Variants in NLGN1 observed in about 807,000 individuals in gnomAD.
NLGN1 encodes the protein neuroligin 1.
NLGN1 carries 12 observed loss-of-function variants against 65.5 expected under a neutral mutation model. That is an observed-to-expected ratio of 0.18 (90% CI 0.12 to 0.30). The LOEUF is 0.30. NLGN1 is among the 10% of genes least tolerant of loss of function. The pLI is 1.00. For missense variants in NLGN1, 750 were observed against 1,007.1 expected (o/e 0.74, Z 3.46); for synonymous variants, 350 against 359.5 (o/e 0.97, Z 0.30).
intron 3 of NLGN1, among the ~76,000 whole-genome samples, chr3:173,697,794 T>C (rs1766453505): frequency 6.6e-6 from 1 of 152,170 alleles, no homozygotes; most frequent in African/African-American, 2.4e-5. Flanking sequence ...CCTCCCAAAG[T>C]ACTGGGATTA....
At chr3:174,075,818 C>T (rs1233853187) in intron 4 of NLGN1, among the ~76,000 whole-genome samples, 1 of 152,046 alleles carries the variant, frequency 6.6e-6, no homozygotes, top group Non-Finnish European at 1.5e-5. Flanking sequence ...CTCAGTGGAA[C>T]TGAAGATAAG....
chr3:173,754,337 T>C (rs1158371258), intron 3 of NLGN1, among the ~76,000 whole-genome samples: 2 of 152,228 alleles, frequency 1.3e-5, no homozygotes, highest in Admixed American at 6.6e-5. Flanking sequence ...CCACTGTGCC[T>C]GGACTTCAAG....
chr3:173,915,791 A>G (rs1364280866), intron 4 of NLGN1, among the ~76,000 whole-genome samples: 1 of 152,150 alleles, frequency 6.6e-6, no homozygotes, highest in Non-Finnish European at 1.5e-5. Context: ...CTTTCCAGAA[A>G]ACCATGGTAC....
At chr3:173,641,194 A>G (rs1757363326) in intron 3 of NLGN1, among the ~76,000 whole-genome samples, 1 of 152,094 alleles carries the variant, frequency 6.6e-6, no homozygotes, top group Non-Finnish European at 1.5e-5. Flanking sequence ...ACACCATTTA[A>G]TTTTGTTATA....
chr3:173,881,008 T>A (rs1733124102), intron 4 of NLGN1, among the ~76,000 whole-genome samples: 2 of 151,602 alleles, frequency 1.3e-5, no homozygotes, highest in South Asian at 4.2e-4. Context: ...CTTTCTTTGC[T>A]CATTCATAAT....
In NLGN1 at chr3:173,853,958, T is replaced by C. The variant is rs1047095513; in HGVS notation, c.646+46126T>C. On this transcript the variant is annotated intron_variant, in intron 4 of 6. Transcript: ENST00000457714. ...AGTCTTGTTTTATGCAATTGATATA[T>C]TCCCCCAAATATTTTTGTTCATTAT... Among the ~76,000 whole-genome samples, 20 of 152,102 alleles carry C rather than the reference T, an allele frequency of 1.3e-4. No individual in the cohort carries two copies. The South Asian group carries it at 3.7e-3, about 28-fold the overall frequency.
chr3:173,686,615 G>A (rs561829156), intron 3 of NLGN1, among the ~76,000 whole-genome samples: 2 of 152,132 alleles, frequency 1.3e-5, no homozygotes, highest in East Asian at 3.9e-4. Flanking sequence ...GCTTCCCCCA[G>A]CCATATAGAC....
intron 4 of NLGN1, among the ~76,000 whole-genome samples, chr3:174,093,868 T>G (rs1171612785): frequency 6.6e-6 from 1 of 152,212 alleles, no homozygotes; most frequent in African/African-American, 2.4e-5. Flanking sequence ...CTAAAGTGTT[T>G]CAGACATTTC....
rs201627836 is a variant in NLGN1, at chr3:173,711,050, AT to A, written c.494-96629del. 1.0e-2 allele frequency among the ~76,000 whole-genome samples: 1,519 copies of A among 152,278 alleles called. 24 individuals are homozygous for A. Among genetic ancestry groups the A allele is most frequent in the South Asian group, 0.028 (137 of 4,822 alleles). The stretch of plus-strand genomic sequence containing the variant: ...ATTACACATATTTATTTATTATTCA[AT>A]ATTAGTCTACACAGGCAAGAAGATC... On this transcript the variant is annotated intron_variant, in intron 3 of 6. Coordinates refer to ENST00000457714, the Ensembl canonical transcript of NLGN1.
At chr3:173,935,619 C>CACAT (rs1744911644) in intron 4 of NLGN1, among the ~76,000 whole-genome samples, 2 of 115,934 alleles carry the variant, frequency 1.7e-5, no homozygotes, top group Non-Finnish European at 3.9e-5. Flanking sequence ...CACACACACA[C>CACAT]ACACTCTCTC....
chr3:173,905,077 T>C (rs560426021), intron 4 of NLGN1, among the ~76,000 whole-genome samples: 4 of 152,298 alleles, frequency 2.6e-5, no homozygotes, highest in African/African-American at 9.6e-5. Context: ...AAATTCTGGC[T>C]ACCCGCCTGA....
chr3:173,993,538 T>C (rs1397864401), intron 4 of NLGN1, among the ~76,000 whole-genome samples: 6 of 152,146 alleles, frequency 3.9e-5, no homozygotes, highest in Admixed American at 6.6e-5. Context: ...TCCCTAAGAA[T>C]GCTATGGTAA....
chr3:173,563,638 T>G (rs999496738), intron 2 of NLGN1, among the ~76,000 whole-genome samples: 1 of 152,242 alleles, frequency 6.6e-6, no homozygotes, highest in African/African-American at 2.4e-5. Flanking sequence ...TGTGATAATA[T>G]TCTGCAACAA....
intron 4 of NLGN1, among the ~76,000 whole-genome samples, chr3:173,829,084 C>T (rs1010294091): frequency 9.9e-5 from 15 of 152,138 alleles, no homozygotes; most frequent in African/African-American, 3.6e-4. Context: ...AAGGCTACTG[C>T]AATAATCCAG....
chr3:174,240,853 T>C (rs1742653582), intron 4 of NLGN1, among the ~76,000 whole-genome samples: 1 of 152,224 alleles, frequency 6.6e-6, no homozygotes, highest in African/African-American at 2.4e-5. Flanking sequence ...CCAGGTGGAC[T>C]GCTTCCTGTC....
chr3:173,933,246 G>A (rs980112434), intron 4 of NLGN1, among the ~76,000 whole-genome samples: 4 of 152,100 alleles, frequency 2.6e-5, no homozygotes, highest in South Asian at 2.1e-4. Context: ...TCAGAGAATG[G>A]CAGGAGAGAG....
At chr3:173,922,231 G>C (rs994533211) in intron 4 of NLGN1, among the ~76,000 whole-genome samples, 7 of 151,860 alleles carry the variant, frequency 4.6e-5, no homozygotes, top group African/African-American at 1.7e-4. Context: ...TTATGTGTTT[G>C]ATCAATTTTT....
chr3:173,555,004 C>A (rs1348951460), intron 2 of NLGN1, among the ~76,000 whole-genome samples: 5 of 152,136 alleles, frequency 3.3e-5, no homozygotes, highest in African/African-American at 4.8e-5. Context: ...ACTCCAATGA[C>A]TAAAGATGTT....
intron 4 of NLGN1, among the ~76,000 whole-genome samples, chr3:174,060,688 T>G (rs1184068210): frequency 6.6e-6 from 1 of 152,102 alleles, no homozygotes; most frequent in Non-Finnish European, 1.5e-5. Flanking sequence ...ATTTTGTGCT[T>G]TTCACATCCT....
Sources: gnomAD v4.1 joint callset for allele counts (sites outside exome capture counted in the v4.1 genomes callset) on GRCh38, gnomAD v4.1.1 for gene constraint, MANE v1.5 for transcripts, NCBI Gene and HGNC (gene_info 2026-07-23, HGNC 2026-07-21) for gene names.